Variants in ARHGAP17 observed in about 807,000 individuals in gnomAD.
ARHGAP17 encodes the protein rho GTPase-activating protein 17.
In ARHGAP17, 57 loss-of-function variants were observed where a neutral mutation model predicts 99.5. That is an observed-to-expected ratio of 0.57 (90% CI 0.46 to 0.71). The LOEUF is 0.71. Among genes scored for constraint, ARHGAP17 ranks in the 30% least tolerant of loss-of-function variants. ARHGAP17 has a pLI of 0.00. For synonymous variants in ARHGAP17, 417 were observed against 429.6 expected, an observed-to-expected ratio of 0.97 and a Z score of 0.36; for missense variants, 1,000 against 1,122.4, an observed-to-expected ratio of 0.89 and a Z score of 1.56.
intron 1 of ARHGAP17, among the ~76,000 whole-genome samples, chr16:25,010,822 CA>C (rs1183247236): frequency 8.5e-5 from 13 of 152,254 alleles, no homozygotes; most frequent in African/African-American, 3.1e-4. Flanking sequence ...GAGGCCTTCA[CA>C]TGGCCCAAAG....
At chr16:24,942,962 T>C (rs73555433) in intron 15 of ARHGAP17, among the ~76,000 whole-genome samples, 8,999 of 152,178 alleles carry the variant, frequency 0.059, 886 homozygotes, top group African/African-American at 0.2. Flanking sequence ...TGATTCCTGA[T>C]GGTGACAAAA....
chr16:24,979,825 C>T (rs1181651009), intron 1 of ARHGAP17, among the ~76,000 whole-genome samples: 3 of 152,222 alleles, frequency 2.0e-5, no homozygotes, highest in Admixed American at 6.5e-5. Flanking sequence ...ATTCTCGTGC[C>T]TTAGCCTCCC....
At chr16:24,967,926 T>C (rs77150770) in intron 6 of ARHGAP17, among the ~76,000 whole-genome samples, 2,807 of 152,174 alleles carry the variant, frequency 0.018, 84 homozygotes, top group African/African-American at 0.063. Flanking sequence ...TTTGGCTACA[T>C]AGGTTTACAT....
At chr16:24,959,404 C>G (rs2051914839) in intron 9 of ARHGAP17, among the ~76,000 whole-genome samples, 1 of 152,196 alleles carries the variant, frequency 6.6e-6, no homozygotes, top group Non-Finnish European at 1.5e-5. Context: ...GATGGGAAAA[C>G]ACACAGGTAC....
At chr16:24,932,365 TAAG>T (rs1199339721) in intron 18 of ARHGAP17, among the ~76,000 whole-genome samples, 21 of 152,152 alleles carry the variant, frequency 1.4e-4, no homozygotes, top group African/African-American at 5.1e-4. Context: ...GAAAGTTCAA[TAAG>T]AAGAAAACTG....
intron 1 of ARHGAP17, among the ~76,000 whole-genome samples, chr16:24,989,914 G>C (rs1207573763): frequency 6.6e-6 from 1 of 152,170 alleles, no homozygotes; most frequent in East Asian, 1.9e-4. Flanking sequence ...AATAATTATA[G>C]CTAGATGGGA....
Position 24,964,281 on chromosome 16 carries a change from T to C in ARHGAP17, c.489A>G (p.Gly163=), listed in dbSNP as rs749393289. ...TTGATGGAAGCCCCTGAAAGTTGGT[T>C]CCTGAGGATTTGTGAGCTTGGTTCC... ...ARWNQAHKSS[G]TNFQGLPSKI... The change falls in exon 7 of 20, where the codon GGA becomes GGG. Residue 163 remains glycine (G), a synonymous_variant. Coordinates refer to ENST00000289968, the MANE Select transcript of ARHGAP17 (RefSeq NM_001006634.3). 2 of 1,613,860 alleles carry C rather than the reference T, an allele frequency of 1.2e-6. No homozygotes were observed. Among genetic ancestry groups the C allele is most frequent in the South Asian group, 2.2e-5 (2 of 91,034 alleles).
At chr16:24,935,682 C>G in intron 17 of ARHGAP17, 43 bp from the exon 18 acceptor site, 2 of 1,592,888 alleles carry the variant, frequency 1.3e-6, no homozygotes, top group Non-Finnish European at 1.7e-6. Context: ...ACAATCCCAG[C>G]TAGAAAATCT....
chr16:24,939,698 C>T (rs1221469912), intron 16 of ARHGAP17, 101 bp from the exon 17 acceptor site: 35 of 1,248,670 alleles, frequency 2.8e-5, no homozygotes, highest in Non-Finnish European at 4.0e-5. Context: ...GGGATAGCCA[C>T]CCAAGCTGCC....
intron 18 of ARHGAP17, among the ~76,000 whole-genome samples, chr16:24,933,145 C>T (rs1567210758): frequency 6.6e-6 from 1 of 151,968 alleles, no homozygotes; most frequent in Non-Finnish European, 1.5e-5. Context: ...TCCCTGAATG[C>T]TTTTTCCTCT....
intron 9 of ARHGAP17, among the ~76,000 whole-genome samples, chr16:24,958,958 A>G (rs1471458976): frequency 6.6e-6 from 1 of 152,150 alleles, no homozygotes; most frequent in Non-Finnish European, 1.5e-5. Context: ...CTCTGCTGGT[A>G]AATGCTCTAA....
intron 17 of ARHGAP17, 164 bp from the exon 18 acceptor site, chr16:24,935,803 T>C: frequency 1.3e-6 from 1 of 764,592 alleles, no homozygotes; most frequent in Non-Finnish European, 2.1e-6. Context: ...AGCTAATGTT[T>C]ACTTGGTGCC....
chr16:24,954,541 G>A lies in ARHGAP17; in HGVS notation c.852+62C>T. 1.9e-6 allele frequency: 3 copies of A among 1,554,854 alleles called. No homozygotes were observed. The South Asian group carries it at 3.7e-5, about 19-fold the overall frequency. On this transcript the variant is annotated intron_variant, in intron 10 of 19. Transcript: ENST00000289968. The stretch of plus-strand genomic sequence containing the variant: ...GGACAGGGGGCTGGCGGGGAGCATG[G>A]TGCTCTGGGTACAACAAGGGGCATG...
chr16:24,969,108 T>C (rs1429623160), intron 4 of ARHGAP17, among the ~76,000 whole-genome samples: 2 of 152,232 alleles, frequency 1.3e-5, no homozygotes, highest in Non-Finnish European at 2.9e-5. Context: ...AAATTAGACA[T>C]TAAGTTCATT....
At chr16:24,965,236 C>T (rs61030914) in intron 6 of ARHGAP17, among the ~76,000 whole-genome samples, 3,570 of 152,116 alleles carry the variant, frequency 0.023, 122 homozygotes, top group African/African-American at 0.079. Context: ...TTTGGGAAGC[C>T]GAGGTGGGCG....
At chr16:24,936,065 T>C (rs2051131313) in intron 17 of ARHGAP17, 1 of 302,928 alleles carries the variant, frequency 3.3e-6, no homozygotes, top group South Asian at 3.0e-5. Flanking sequence ...TCAGTTCTAC[T>C]GCGTTTGGAC....
chr16:25,013,555 A>G (rs2053700350), intron 1 of ARHGAP17, among the ~76,000 whole-genome samples: 1 of 152,044 alleles, frequency 6.6e-6, no homozygotes, highest in Non-Finnish European at 1.5e-5. Flanking sequence ...CAGGGAAGTC[A>G]AGGCTGCAAT....
intron 16 of ARHGAP17, 184 bp downstream of exon 16, chr16:24,941,803 C>A (rs2051320144): frequency 2.7e-6 from 2 of 734,894 alleles, no homozygotes; most frequent in African/African-American, 1.8e-5. Context: ...AAGCTACACA[C>A]TGACTTTATG....
At chr16:24,958,515 A>T (rs1262673031) in intron 9 of ARHGAP17, among the ~76,000 whole-genome samples, 1 of 152,200 alleles carries the variant, frequency 6.6e-6, no homozygotes. Flanking sequence ...TCCTCCATGA[A>T]CTAATAATCT....
Sources: gnomAD v4.1 joint callset for allele counts (sites outside exome capture counted in the v4.1 genomes callset) on GRCh38, gnomAD v4.1.1 for gene constraint, MANE v1.5 for transcripts, NCBI Gene and HGNC (gene_info 2026-07-23, HGNC 2026-07-21) for gene names.